The following GPC6 variants were observed in gnomAD, a reference collection of about 807,000 sequenced individuals.
The protein encoded by GPC6 is glypican-6.
GPC6 carries 14 observed loss-of-function variants against 55.2 expected under a neutral mutation model. The ratio of observed to expected loss-of-function variants is 0.25; its 90% CI spans 0.17 to 0.40. The LOEUF is 0.40. GPC6 is among the 10% of genes least tolerant of loss of function. The pLI, the probability that GPC6 is intolerant of heterozygous loss-of-function variation, is 1.00. For synonymous variants in GPC6, 278 were observed against 259.6 expected (o/e 1.07, Z -0.68); for missense variants, 641 against 708.5 (o/e 0.90, Z 1.08).
At chr13:94,028,317 C>A (rs1391080465) in intron 4 of GPC6, among the ~76,000 whole-genome samples, 2 of 151,784 alleles carry the variant, frequency 1.3e-5, no homozygotes, top group African/African-American at 4.8e-5. Context: ...TTTTTAAAAC[C>A]ATGTTTAGCA....
rs1279147157 is a variant in GPC6, at chr13:94,248,210, C to T, written c.878-38139C>T. 2.6e-5 allele frequency among the ~76,000 whole-genome samples: 4 copies of T among 152,036 alleles called. No homozygotes were observed. The East Asian group carries it at 7.7e-4, about 29-fold the overall frequency. On this transcript the variant is annotated intron_variant, in intron 4 of 8. Transcript: ENST00000377047. ...CATTGGTAATGAAATTTGCATTTTC[C>T]CTCAAAAAATTTTCAGTCAGCTCCC...
chr13:93,848,894 C>T (rs1888296241), intron 3 of GPC6, among the ~76,000 whole-genome samples: 5 of 152,110 alleles, frequency 3.3e-5, no homozygotes, highest in Admixed American at 3.3e-4. Context: ...TCGCTTGCCT[C>T]ACTCAAAACT....
At chr13:93,955,210 T>C (rs1270892320) in intron 3 of GPC6, among the ~76,000 whole-genome samples, 1 of 150,124 alleles carries the variant, frequency 6.7e-6, no homozygotes, top group African/African-American at 2.5e-5. Context: ...CAGAAGGAAG[T>C]TGGTTATTTG....
intron 2 of GPC6, among the ~76,000 whole-genome samples, chr13:93,764,540 T>A (rs1011701471): frequency 4.6e-5 from 7 of 151,350 alleles, no homozygotes; most frequent in South Asian, 2.1e-4. Flanking sequence ...ACCTTTTTTT[T>A]AAAGAATATG....
chr13:94,170,921 C>A (rs1298166454), intron 4 of GPC6, among the ~76,000 whole-genome samples: 1 of 152,088 alleles, frequency 6.6e-6, no homozygotes, highest in African/African-American at 2.4e-5. Flanking sequence ...TACTCCATGT[C>A]CAGAGTGCGA....
At chr13:93,407,850 G>A (rs1021847260) in intron 1 of GPC6, among the ~76,000 whole-genome samples, 8 of 152,120 alleles carry the variant, frequency 5.3e-5, no homozygotes, top group Admixed American at 4.6e-4. Context: ...ATATGGCTGT[G>A]TAAAGATTAA....
intron 1 of GPC6, among the ~76,000 whole-genome samples, chr13:93,438,903 T>A (rs1368946940): frequency 6.6e-6 from 1 of 152,106 alleles, no homozygotes; most frequent in Non-Finnish European, 1.5e-5. Context: ...TGTCCTATTT[T>A]AAGAAGTTGC....
intron 3 of GPC6, among the ~76,000 whole-genome samples, chr13:94,026,193 A>AT (rs1388639282): frequency 1.3e-5 from 2 of 152,286 alleles, no homozygotes; most frequent in South Asian, 2.1e-4. Flanking sequence ...TCCTAAAATA[A>AT]TTTTTTTAGT....
chr13:94,113,876 G>A (rs992731644), intron 4 of GPC6, among the ~76,000 whole-genome samples: 7 of 151,530 alleles, frequency 4.6e-5, no homozygotes, highest in African/African-American at 1.7e-4. Flanking sequence ...ACAAAAAGTA[G>A]CCAGATGTGG....
intron 1 of GPC6, among the ~76,000 whole-genome samples, chr13:93,429,921 T>A (rs1566352713): frequency 6.6e-6 from 1 of 152,132 alleles, no homozygotes; most frequent in East Asian, 1.9e-4. Context: ...AGAGTCCACA[T>A]TATCCTCAGA....
intron 3 of GPC6, among the ~76,000 whole-genome samples, chr13:93,978,881 C>A (rs892124703): frequency 6.6e-6 from 1 of 152,094 alleles, no homozygotes; most frequent in Admixed American, 6.6e-5. Flanking sequence ...ACTAATATTT[C>A]ATTTCTTTAT....
chr13:94,034,187 G>GAGTA lies in GPC6; in HGVS notation c.877+6295_877+6296insTAAG, dbSNP rs1555289052. On this transcript the variant is annotated intron_variant, in intron 4 of 8. Coordinates refer to ENST00000377047, the MANE Select transcript of GPC6 (RefSeq NM_005708.5). ...ATAAGCCGTACTAACTACTTGCTGA[G>GAGTA]AGAAAGAAAGAAAGAAGGAAGGAAG... Among the ~76,000 whole-genome samples the GAGTA allele has an allele frequency of 2.9e-3, 381 of 133,336 alleles. 1 individual carries two copies. Among genetic ancestry groups the GAGTA allele is most frequent in the Non-Finnish European group, 4.7e-3 (293 of 62,616 alleles). 87.5% of individuals were successfully genotyped at this position (133,336 alleles called of 152,430 possible).
intron 3 of GPC6, among the ~76,000 whole-genome samples, chr13:93,961,427 A>T (rs1274165270): frequency 6.6e-6 from 1 of 152,364 alleles, no homozygotes; most frequent in South Asian, 2.1e-4. Flanking sequence ...TTTACATGAA[A>T]AATCAGTATT....
chr13:94,372,315 C>A (rs1475891444), intron 6 of GPC6, among the ~76,000 whole-genome samples: 1 of 152,138 alleles, frequency 6.6e-6, no homozygotes, highest in African/African-American at 2.4e-5. Flanking sequence ...GTTCATCTCA[C>A]TAGGGAGTGC....
chr13:93,564,613 C>G (rs997793558), intron 2 of GPC6, among the ~76,000 whole-genome samples: 15 of 152,282 alleles, frequency 9.9e-5, no homozygotes, highest in Non-Finnish European at 2.1e-4. Flanking sequence ...ATGTTCACGT[C>G]AAAACCAATG....
intron 4 of GPC6, among the ~76,000 whole-genome samples, chr13:94,143,401 T>C (rs1238301949): frequency 6.6e-6 from 1 of 152,196 alleles, no homozygotes; most frequent in African/African-American, 2.4e-5. Context: ...ATAGGCAGTG[T>C]TATCTTTCCA....
At chr13:93,752,197 G>T (rs1284244407) in intron 2 of GPC6, among the ~76,000 whole-genome samples, 1 of 152,034 alleles carries the variant, frequency 6.6e-6, no homozygotes, top group Non-Finnish European at 1.5e-5. Context: ...GACCCTGCTA[G>T]GTTCTTCCTA....
intron 6 of GPC6, among the ~76,000 whole-genome samples, chr13:94,376,360 A>G (rs1879856449): frequency 6.7e-6 from 1 of 149,580 alleles, no homozygotes; most frequent in Admixed American, 6.7e-5. Flanking sequence ...GTCTCAGGAT[A>G]CAAAATCAAT....
intron 1 of GPC6, among the ~76,000 whole-genome samples, chr13:93,355,429 G>A (rs1048866079): frequency 6.6e-6 from 1 of 152,174 alleles, no homozygotes; most frequent in Admixed American, 6.5e-5. Context: ...TTATGGAAAA[G>A]GCAGCATTTG....
Sources: allele counts gnomAD v4.1 joint callset (sites outside exome capture counted in the v4.1 genomes callset), GRCh38; gene constraint gnomAD v4.1.1; transcripts MANE v1.5; gene names NCBI Gene and HGNC (gene_info 2026-07-23, HGNC 2026-07-21).